FCRLA: variants seen among roughly 807,000 people sequenced by gnomAD.
FCRLA encodes Fc receptor-like A.
A neutral mutation model predicts 28.4 loss-of-function variants in FCRLA; 26 were observed. The observed-to-expected ratio is 0.91, with a 90% confidence interval of 0.67 to 1.27. The LOEUF is 1.27. Ranked by LOEUF, FCRLA falls within the 50% of genes most tolerant of loss-of-function variation. The pLI, the probability that FCRLA is intolerant of heterozygous loss-of-function variation, is 0.00. For synonymous variants in FCRLA, 174 were observed against 168.5 expected (o/e 1.03, Z -0.25); for missense variants, 422 against 433.1 (o/e 0.97, Z 0.23).
intron 1 of FCRLA, among the ~76,000 whole-genome samples, chr1:161,709,119 A>T (rs1042682828): frequency 6.8e-6 from 1 of 147,090 alleles, no homozygotes; most frequent in East Asian, 1.9e-4. Flanking sequence ...ACCCAACAAG[A>T]TTTTATTTTA....
In FCRLA at chr1:161,713,075, C is replaced by T. The variant is rs144052294; in HGVS notation, c.785-10C>T. 1.9e-3 allele frequency: 3,053 copies of T among 1,607,276 alleles called. 34 individuals are homozygous for T. The African/African-American group carries it at 0.029, about 15-fold the overall frequency. ...TCACTCTTGTATGTGCCTCCTGCCC[C>T]ATAATTCAGGTGCTTCCAGCTCTGC... On this transcript the variant is annotated splice_polypyrimidine_tract_variant and intron_variant, in intron 4 of 4. Transcript: ENST00000236938.
At position 161,711,368 on chromosome 1, in the gene FCRLA, C is replaced by A; in HGVS notation, c.393C>A (p.Thr131=). Reference sequence around the variant, plus strand: ...GGCCTAACAGGGAATTCTCCATCACCGTGGTACAAAAGGCAGACAGCGGGC... The same window carrying A: ...GGCCTAACAGGGAATTCTCCATCACAGTGGTACAAAAGGCAGACAGCGGGC... The part of the protein sequence containing the change: ...PPGPNREFSI[T]VVQKADSGHY... The change falls in exon 3 of 5, where the codon ACC becomes ACA. Residue 131 remains threonine (T), a synonymous_variant. Coordinates refer to ENST00000236938, the MANE Select transcript of FCRLA (RefSeq NM_032738.4). 1 of 1,614,190 alleles carries A rather than the reference C, an allele frequency of 6.2e-7. No homozygotes were observed. Among genetic ancestry groups the A allele is most frequent in the Non-Finnish European group, 8.5e-7 (1 of 1,180,034 alleles).
chr1:161,711,075 A>T, intron 2 of FCRLA, 133 bp from the exon 3 acceptor site: 1 of 1,435,956 alleles, frequency 7.0e-7, no homozygotes, highest in Non-Finnish European at 9.4e-7. Flanking sequence ...GCCCTAGGGA[A>T]GTTGTCCCAT....
chr1:161,712,138 C>T lies in FCRLA; in HGVS notation c.704C>T (p.Ser235Phe). 1 of 1,614,228 alleles carries T rather than the reference C, an allele frequency of 6.2e-7. No homozygotes were observed. The highest frequency in any genetic ancestry group is 1.1e-5 in the South Asian group (1 of 91,084). Reference sequence around the variant, plus strand: ...ATCCCCACAGCTTCAGAAGATCACTCCGGGTCATACTGGTGTGAGGCAGCC... The same window carrying T: ...ATCCCCACAGCTTCAGAAGATCACTTCGGGTCATACTGGTGTGAGGCAGCC... ...FQIPTASEDH[S>F]GSYWCEAATE... Residue 235 changes from serine (S) to phenylalanine (F), a missense_variant, in exon 4 of 5, where the codon TCC becomes TTC. Physicochemically the swap from Ser to Phe is radical, Grantham distance 155. This residue lies in a region of FCRLA where 185 missense variants were observed against 198.1 expected (regional missense o/e 0.93). Transcript: ENST00000236938.
chr1:161,710,951 C>T, intron 2 of FCRLA, 39 bp downstream of exon 2: 3 of 1,607,168 alleles, frequency 1.9e-6, no homozygotes, highest in Non-Finnish European at 2.6e-6. Context: ...CCCCAAACCC[C>T]TTCTTTCAGC....
At position 161,713,240 on chromosome 1, in the gene FCRLA, GA is replaced by G. The variant is rs1260324746; in HGVS notation, c.941del (p.Asp314ValfsTer18). On this transcript the variant is annotated frameshift_variant, in exon 5 of 5. Coordinates refer to ENST00000236938, the MANE Select transcript of FCRLA (RefSeq NM_032738.4). LOFTEE classifies it low-confidence loss of function (END_TRUNC). ...PGFSSPLGMP[D>X]PHLYHQMGLL... ...CTTTTCTTCTCCTCTGGGGATGCCAGATCCTCATCTGTATCACCAGATGGGC... is the reference window on the plus strand; with the variant it reads ...CTTTTCTTCTCCTCTGGGGATGCCAGTCCTCATCTGTATCACCAGATGGGC... 1 of 1,614,132 alleles carries G rather than the reference GA, an allele frequency of 6.2e-7. No individual in the cohort carries two copies. The highest frequency in any genetic ancestry group is 8.5e-7 in the Non-Finnish European group (1 of 1,180,052).
At chr1:161,711,728 C>T (rs776020080) in intron 3 of FCRLA, 31 of 768,320 alleles carry the variant, frequency 4.0e-5, no homozygotes, top group Middle Eastern at 3.8e-4. Context: ...GGTGTCTGGA[C>T]AACTATCAGA....
chr1:161,707,305 T>C lies in FCRLA; in HGVS notation c.41T>C (p.Leu14Pro). The part of the protein sequence containing the change: ...GCVLMAWALY[L>P]SLGVLWVAQM... ...GTCCTCATGGCCTGGGCCCTCTACC[T>C]TTCCCTTGGTGTGCTCTGGGTGGCC... The change falls in exon 1 of 5, where the codon CTT becomes CCT. Residue 14 changes from leucine (L) to proline (P), a missense_variant. Physicochemically the swap from Leu to Pro is moderately conservative, Grantham distance 98. Coordinates refer to ENST00000236938, the MANE Select transcript of FCRLA (RefSeq NM_032738.4). The C allele has an allele frequency of 6.2e-7, 1 of 1,613,118 alleles. No homozygotes were observed. Among genetic ancestry groups the C allele is most frequent in the Non-Finnish European group, 8.5e-7 (1 of 1,179,566 alleles).
At position 161,711,523 on chromosome 1, in the gene FCRLA, C is replaced by G. The variant is rs1683102416; in HGVS notation, c.499+49C>G. ...CATGGCAGGGGAGGGTAAGGAGAGA[C>G]AGGGAGCCCAAATTGTCTTTCTTTA... is the stretch of plus-strand genomic sequence containing the variant. On this transcript the variant is annotated intron_variant, in intron 3 of 4. Transcript: ENST00000236938. 5.8e-6 allele frequency: 9 copies of G among 1,562,298 alleles called. No individual in the cohort carries two copies. In the East Asian group the frequency reaches 2.0e-4, roughly 35 times the overall value.
In FCRLA at chr1:161,714,272, A is replaced by T. The variant is rs1257428413; in HGVS notation, c.*892A>T. 6.6e-6 allele frequency: 1 copy of T among 152,254 alleles called. No homozygotes were observed. The highest frequency in any genetic ancestry group is 2.4e-5 in the African/African-American group (1 of 41,440). The allele number at this position is 152,254 out of a possible 1,614,324, so 9.4% of individuals were successfully genotyped here. ...AGAACCAAAAAACAGCTGTCGCCAA[A>T]CACCGACTCTGTCGTTGCCTTGATC... On this transcript the variant is annotated 3_prime_UTR_variant, in exon 5 of 5. Coordinates refer to ENST00000236938, the MANE Select transcript of FCRLA (RefSeq NM_032738.4).
chr1:161,711,467 A>T lies in FCRLA; in HGVS notation c.492A>T (p.Thr164=). ...AAACAGCATCTGTTGTGGCTATCAC[A>T]GTCCAAGGTGAGAGCTAGAAGCAGC... is the stretch of plus-strand genomic sequence containing the variant. The part of the protein sequence containing the change: ...IPETASVVAI[T]VQELFPAPIL... The change falls in exon 3 of 5, where the codon ACA becomes ACT. Residue 164 remains threonine (T), a synonymous_variant. Coordinates refer to ENST00000236938, the MANE Select transcript of FCRLA (RefSeq NM_032738.4). The T allele has an allele frequency of 1.2e-6, 2 of 1,612,668 alleles. No individual in the cohort carries two copies. The highest frequency in any genetic ancestry group is 1.7e-6 in the Non-Finnish European group (2 of 1,179,004).
Position 161,712,090 on chromosome 1 carries a change from G to A in FCRLA, c.656G>A (p.Arg219Lys). The change falls in exon 4 of 5, where the codon AGG (arginine) becomes AAG (lysine). Residue 219 changes from arginine to lysine, a missense_variant. Physicochemically the swap from Arg to Lys is conservative, Grantham distance 26. This residue lies in a region of FCRLA where 185 missense variants were observed against 198.1 expected (regional missense o/e 0.93). Coordinates refer to ENST00000236938, the MANE Select transcript of FCRLA (RefSeq NM_032738.4). ...FYKDGRIVQSRGLSSEFQIPT... is the reference protein window; with the variant it reads ...FYKDGRIVQSKGLSSEFQIPT... ...AAGGATGGAAGGATAGTGCAAAGCA[G>A]GGGGCTCTCCTCAGAATTCCAGATC... 1.2e-6 allele frequency: 2 copies of A among 1,614,202 alleles called. No homozygotes were observed. Among genetic ancestry groups the A allele is most frequent in the Non-Finnish European group, 1.7e-6 (2 of 1,180,026 alleles).
At chr1:161,709,065 T>C (rs1373251175) in intron 1 of FCRLA, among the ~76,000 whole-genome samples, 1 of 152,230 alleles carries the variant, frequency 6.6e-6, no homozygotes, top group African/African-American at 2.4e-5. Flanking sequence ...AGAATGAAAA[T>C]AATAATACCT....
At chr1:161,711,851 G>C in intron 3 of FCRLA, 83 bp from the exon 4 acceptor site, 1 of 1,462,586 alleles carries the variant, frequency 6.8e-7, no homozygotes. Context: ...AAGGAAGTAT[G>C]ACTCCCCAAG....
Position 161,713,361 on chromosome 1 carries a change from C to A in FCRLA, c.1061C>A (p.Thr354Lys). The change falls in exon 5 of 5, where the codon ACA becomes AAA. Residue 354 changes from threonine (T) to lysine (K), a missense_variant. Thr to Lys is a moderately conservative substitution (Grantham distance 78). Coordinates refer to ENST00000236938, the MANE Select transcript of FCRLA (RefSeq NM_032738.4). ...ELSGHRKPGT[T>K]KATAE ...TCTGGCCACCGGAAGCCTGGGACCACAAAGGCTACTGCTGAATAGAAGTAA... is the reference window on the plus strand; with the variant it reads ...TCTGGCCACCGGAAGCCTGGGACCAAAAAGGCTACTGCTGAATAGAAGTAA... 1.9e-6 allele frequency: 3 copies of A among 1,613,932 alleles called. No homozygotes were observed. The highest frequency in any genetic ancestry group is 2.5e-6 in the Non-Finnish European group (3 of 1,179,872).
At chr1:161,710,669 G>T (rs1295987453) in intron 1 of FCRLA, 91 bp from the exon 2 acceptor site, 1 of 1,547,326 alleles carries the variant, frequency 6.5e-7, no homozygotes, top group Non-Finnish European at 8.9e-7. Context: ...TTCTAAAAAG[G>T]ATGATTATCC....
chr1:161,710,870 G>T lies in FCRLA; in HGVS notation c.190G>T (p.Ala64Ser). ...DAREAGFQVK[A>S]YTFSEPFHLI... ...AAGGGAAGCTGGCTTCCAGGTCAAG[G>T]CCTACACTTTCAGTGAACCCTTCCA... The change falls in exon 2 of 5, where the codon GCC becomes TCC. Residue 64 changes from alanine to serine, a missense_variant. By Grantham distance (99) the Ala-to-Ser change is moderately conservative. Transcript: ENST00000236938. 1 of 1,613,706 alleles carries T rather than the reference G, an allele frequency of 6.2e-7. No homozygotes were observed. The highest frequency in any genetic ancestry group is 8.5e-7 in the Non-Finnish European group (1 of 1,180,024).
In FCRLA at chr1:161,711,436, T is replaced by A. The variant is rs1683096323; in HGVS notation, c.461T>A (p.Ile154Asn). The A allele has an allele frequency of 6.2e-7, 1 of 1,614,152 alleles. No individual in the cohort carries two copies. The highest frequency in any genetic ancestry group is 8.5e-7 in the Non-Finnish European group (1 of 1,180,018). Residue 154 changes from isoleucine (I) to asparagine (N), a missense_variant, in exon 3 of 5, where the codon ATC becomes AAC. Coordinates refer to ENST00000236938, the MANE Select transcript of FCRLA (RefSeq NM_032738.4). ...ATCTTCCAGAGCCCTGGTCCTGGGATCCCAGAAACAGCATCTGTTGTGGCT... is the reference window on the plus strand; with the variant it reads ...ATCTTCCAGAGCCCTGGTCCTGGGAACCCAGAAACAGCATCTGTTGTGGCT... ...SGIFQSPGPG[I>N]PETASVVAIT...
intron 1 of FCRLA, among the ~76,000 whole-genome samples, chr1:161,707,544 C>G (rs570750185): frequency 6.6e-6 from 1 of 152,280 alleles, no homozygotes; most frequent in South Asian, 2.1e-4. Flanking sequence ...TCCTGAAAGT[C>G]CCCTCTGATC....
Sources: allele counts gnomAD v4.1 joint callset (sites outside exome capture counted in the v4.1 genomes callset), GRCh38; gene constraint gnomAD v4.1.1; regional missense constraint gnomAD v4.1.1; transcripts MANE v1.5; gene names NCBI Gene and HGNC (gene_info 2026-07-23, HGNC 2026-07-21).